The following DNAH9 variants were observed in gnomAD, a reference collection of about 807,000 sequenced individuals.
The protein encoded by DNAH9 is dynein axonemal heavy chain 9.
DNAH9 carries 345 observed loss-of-function variants against 471.6 expected under a neutral mutation model. That is an observed-to-expected ratio of 0.73 (90% confidence interval 0.67 to 0.80). The LOEUF (loss-of-function observed/expected upper bound fraction) is 0.80, where lower values mean the gene tolerates loss of function less well. Among genes scored for constraint, DNAH9 ranks in the 30% least tolerant of loss-of-function variants. The pLI is 0.00. For synonymous variants in DNAH9, 2,093 were observed against 2,123.6 expected (o/e 0.99, Z 0.40); for missense variants, 5,407 against 5,609.2 (o/e 0.96, Z 1.15).
intron 9 of DNAH9, among the ~76,000 whole-genome samples, chr17:11,637,573 G>T (rs1196406421): frequency 1.3e-5 from 2 of 151,936 alleles, no homozygotes; most frequent in Non-Finnish European, 2.9e-5. Context: ...CCCCAGCCTG[G>T]GTGACAGAGC....
intron 68 of DNAH9, among the ~76,000 whole-genome samples, chr17:11,963,389 G>A (rs887974625): frequency 3.3e-5 from 5 of 151,436 alleles, no homozygotes; most frequent in South Asian, 4.2e-4. Context: ...AGCCGAGATC[G>A]CACCATTGCA....
intron 8 of DNAH9, among the ~76,000 whole-genome samples, chr17:11,633,033 A>G (rs1206952282): frequency 1.3e-5 from 2 of 152,106 alleles, no homozygotes; most frequent in African/African-American, 4.8e-5. Context: ...CATGGCTGCT[A>G]GGTTGATTCA....
At chr17:11,927,784 A>G (rs920457855) in intron 62 of DNAH9, among the ~76,000 whole-genome samples, 37 of 152,230 alleles carry the variant, frequency 2.4e-4, no homozygotes, top group African/African-American at 8.9e-4. Context: ...TTCCCAACCC[A>G]AGCCCATCAA....
Position 11,638,148 on chromosome 17 carries a change from G to A in DNAH9, c.1786+1364G>A, listed in dbSNP as rs186122060. ...AGGGGAAATTATCAAAGGCTTTTAA[G>A]TAGCTGAGTAAGAGGATTGCTCTGC... is the stretch of plus-strand genomic sequence containing the variant. On this transcript the variant is annotated intron_variant, in intron 9 of 68. Transcript: ENST00000262442. Among the ~76,000 whole-genome samples, 18 of 150,518 alleles carry A rather than the reference G, an allele frequency of 1.2e-4. No homozygotes were observed. In the East Asian group the frequency reaches 2.3e-3, roughly 19 times the overall value.
chr17:11,743,487 C>T (rs1409914152), intron 30 of DNAH9, among the ~76,000 whole-genome samples: 1 of 152,188 alleles, frequency 6.6e-6, no homozygotes, highest in East Asian at 1.9e-4. Context: ...CCTCACTGGT[C>T]CCAAGATAGA....
At position 11,797,766 on chromosome 17, in the gene DNAH9, T is replaced by C. The variant is rs770278575; in HGVS notation, c.8393T>C (p.Val2798Ala). Reference protein sequence around the residue: ...HNEVNTVMDLVLFEDAMRHVC... With the variant: ...HNEVNTVMDLALFEDAMRHVC... ...GAAGTCAACACAGTGATGGACCTAG[T>C]TCTCTTTGAGGATGCCATGCGCCAT... The change falls in exon 43 of 69, where the codon GTT (valine) becomes GCT (alanine). Residue 2798 changes from valine (V) to alanine (A), a missense_variant. Val to Ala is a moderately conservative substitution (Grantham distance 64). Coordinates refer to ENST00000262442, the MANE Select transcript of DNAH9 (RefSeq NM_001372.4). The C allele has an allele frequency of 1.2e-6, 2 of 1,614,068 alleles. No homozygotes were observed. Among genetic ancestry groups the C allele is most frequent in the East Asian group, 4.5e-5 (2 of 44,876 alleles).
chr17:11,647,806 T>G (rs1046853330), intron 12 of DNAH9, among the ~76,000 whole-genome samples: 1 of 152,180 alleles, frequency 6.6e-6, no homozygotes, highest in South Asian at 2.1e-4. Flanking sequence ...GAAATAAGAC[T>G]CTAGATTAGT....
intron 61 of DNAH9, among the ~76,000 whole-genome samples, chr17:11,907,040 T>C (rs1475976475): frequency 2.0e-5 from 3 of 152,122 alleles, no homozygotes; most frequent in Non-Finnish European, 2.9e-5. Context: ...AAATAGAATA[T>C]TCAGCATGTC....
intron 50 of DNAH9, among the ~76,000 whole-genome samples, chr17:11,867,836 AGGTGACT>A (rs1335066793): frequency 6.6e-6 from 1 of 152,230 alleles, no homozygotes; most frequent in Non-Finnish European, 1.5e-5. Context: ...ATGGTGACAT[AGGTGACT>A]GGTGGCATTG....
In DNAH9 at chr17:11,598,800, T is replaced by A. The variant is rs768481875; in HGVS notation, c.302T>A (p.Leu101His). 6.8e-7 allele frequency: 1 copy of A among 1,475,886 alleles called. No homozygotes were observed. The highest frequency in any genetic ancestry group is 1.3e-5 in the South Asian group (1 of 79,334). 91.4% of individuals were successfully genotyped at this position (1,475,886 alleles called of 1,614,324 possible). A position where few individuals can be genotyped will look rare whatever the true frequency, so the allele number is the denominator to read the frequency against. The stretch of plus-strand genomic sequence containing the variant: ...TCGGGCCTGGCTGGCGCTAAGGCGC[T>A]TTTTTTCCTTCGCACCGGGCCCGAG... ...PESGLAGAKALFFLRTGPEPP... is the reference protein window; with the variant it reads ...PESGLAGAKAHFFLRTGPEPP... The change falls in exon 1 of 69, where the codon CTT becomes CAT. Residue 101 changes from leucine to histidine, a missense_variant. By Grantham distance (99) the Leu-to-His change is moderately conservative (BLOSUM62 -3). Coordinates refer to ENST00000262442, the MANE Select transcript of DNAH9 (RefSeq NM_001372.4).
At chr17:11,643,501 C>T (rs1189641819) in intron 10 of DNAH9, among the ~76,000 whole-genome samples, 1 of 152,174 alleles carries the variant, frequency 6.6e-6, no homozygotes, top group Non-Finnish European at 1.5e-5. Flanking sequence ...GTGTTATAGA[C>T]AATCATGTAT....
chr17:11,756,747 T>G, intron 34 of DNAH9, 71 bp downstream of exon 34: 1 of 967,856 alleles, frequency 1.0e-6, no homozygotes, highest in Non-Finnish European at 1.7e-6. Context: ...CACACGTAGT[T>G]TTGCTGGCTC....
intron 66 of DNAH9, among the ~76,000 whole-genome samples, chr17:11,940,175 G>A (rs2151044403): frequency 6.6e-6 from 1 of 152,306 alleles, no homozygotes; most frequent in Non-Finnish European, 1.5e-5. Context: ...GAAATAAGGT[G>A]GACTCCGTCC....
At chr17:11,670,665 T>C (rs1355713548) in intron 17 of DNAH9, among the ~76,000 whole-genome samples, 1 of 152,074 alleles carries the variant, frequency 6.6e-6, no homozygotes, top group East Asian at 1.9e-4. Context: ...CCAAGGGTAA[T>C]GTTCAACCAC....
intron 10 of DNAH9, among the ~76,000 whole-genome samples, chr17:11,640,763 A>C (rs2073256477): frequency 6.6e-6 from 1 of 152,172 alleles, no homozygotes; most frequent in Admixed American, 6.5e-5. Context: ...CAAGTGCAGT[A>C]TGAGGTCTCT....
intron 49 of DNAH9, among the ~76,000 whole-genome samples, chr17:11,842,993 T>C (rs1239083271): frequency 6.6e-6 from 1 of 151,202 alleles, no homozygotes; most frequent in Non-Finnish European, 1.5e-5. Flanking sequence ...CTGTTCCTCA[T>C]TAAAACTCTC....
intron 21 of DNAH9, 83 bp from the exon 22 acceptor site, chr17:11,694,238 C>G (rs1406629375): frequency 6.2e-6 from 9 of 1,440,008 alleles, no homozygotes; most frequent in Non-Finnish European, 8.7e-6. Context: ...CCGTCTATTG[C>G]ATATACATAC....
intron 48 of DNAH9, among the ~76,000 whole-genome samples, chr17:11,831,328 G>A (rs1252793532): frequency 6.6e-6 from 1 of 152,098 alleles, no homozygotes; most frequent in Non-Finnish European, 1.5e-5. Flanking sequence ...CACATGGCAA[G>A]AGAGGAGGCA....
chr17:11,679,367 C>T (rs959559702), intron 17 of DNAH9, among the ~76,000 whole-genome samples: 1 of 152,170 alleles, frequency 6.6e-6, no homozygotes, highest in Middle Eastern at 3.2e-3. Flanking sequence ...TCATGTTATC[C>T]AGTTCATAAA....
Sources: allele counts gnomAD v4.1 joint callset (sites outside exome capture counted in the v4.1 genomes callset), GRCh38; gene constraint gnomAD v4.1.1; transcripts MANE v1.5; gene names NCBI Gene and HGNC (gene_info 2026-07-23, HGNC 2026-07-21).